PHF2: variants seen among roughly 807,000 people sequenced by gnomAD.
PHF2 encodes lysine-specific demethylase PHF2.
PHF2 carries 27 observed loss-of-function variants against 120.5 expected under a neutral mutation model. The observed-to-expected ratio is 0.22, with a 90% confidence interval of 0.17 to 0.31. The LOEUF is 0.31. Ranked by LOEUF, PHF2 falls within the 10% of genes least tolerant of loss-of-function variation. The probability of loss-of-function intolerance (pLI) is 1.00; values close to 1 mark genes in which losing one functional copy is unlikely to be tolerated. For missense variants in PHF2, 1,024 were observed against 1,434.8 expected (o/e 0.71, Z 4.63); for synonymous variants, 568 against 592.5 (o/e 0.96, Z 0.60).
At chr9:93,594,506 G>T (rs141704946) in intron 1 of PHF2, among the ~76,000 whole-genome samples, 1 of 152,160 alleles carries the variant, frequency 6.6e-6, no homozygotes, top group Non-Finnish European at 1.5e-5. Flanking sequence ...AGCTGTCATC[G>T]GGTGTACTTC....
At chr9:93,645,540 A>G (rs6479500) in intron 3 of PHF2, 89 bp from the exon 4 acceptor site, 881,082 of 1,352,684 alleles carry the variant, frequency 0.65, 291,922 homozygotes, top group African/African-American at 0.68. Context: ...ACCCAGGCTC[A>G]CCTCTCCAGC....
At chr9:93,636,626 T>G (rs1826098815) in intron 3 of PHF2, 101 bp downstream of exon 3, 5 of 894,360 alleles carry the variant, frequency 5.6e-6, no homozygotes, top group Middle Eastern at 3.4e-4. Flanking sequence ...TCCTTTGCTA[T>G]CCTTGCTGGA....
At chr9:93,675,283 T>C (rs10992854) in intron 19 of PHF2, among the ~76,000 whole-genome samples, 95,894 of 152,178 alleles carry the variant, frequency 0.63, 30,681 homozygotes, top group Non-Finnish European at 0.68. Flanking sequence ...CTCCTCTGGC[T>C]GGCTCCTCTC....
chr9:93,670,393 G>A (rs1772248830), intron 17 of PHF2, among the ~76,000 whole-genome samples: 1 of 152,244 alleles, frequency 6.6e-6, no homozygotes, highest in African/African-American at 2.4e-5. Context: ...GTGAGTGGTG[G>A]GGAAGCCTGG....
intron 1 of PHF2, among the ~76,000 whole-genome samples, chr9:93,591,040 G>T (rs1825208761): frequency 6.6e-6 from 1 of 152,230 alleles, no homozygotes; most frequent in South Asian, 2.1e-4. Flanking sequence ...GCAGACTGCT[G>T]TGACCCTCCG....
intron 17 of PHF2, among the ~76,000 whole-genome samples, chr9:93,673,347 G>A (rs986285319): frequency 6.6e-6 from 1 of 152,032 alleles, no homozygotes; most frequent in African/African-American, 2.4e-5. Flanking sequence ...CTGTCTCCAG[G>A]CCTCCAGCCC....
intron 1 of PHF2, among the ~76,000 whole-genome samples, chr9:93,609,104 T>TTTTTTTTTTTTTTTTTTTGAG (rs1564379539): frequency 6.7e-6 from 1 of 149,652 alleles, no homozygotes; most frequent in Non-Finnish European, 1.5e-5. Context: ...GTGGTTGTTT[T>TTTTTTTTTTTTTTTTTTTGAG]AAAATGTGCG....
At chr9:93,637,356 G>A (rs2078071279) in intron 3 of PHF2, among the ~76,000 whole-genome samples, 3 of 152,152 alleles carry the variant, frequency 2.0e-5, no homozygotes, top group African/African-American at 7.2e-5. Flanking sequence ...AAAGTGTGCA[G>A]TTCGGTGGAT....
At chr9:93,603,475 C>T (rs1318989593) in intron 1 of PHF2, among the ~76,000 whole-genome samples, 3 of 152,120 alleles carry the variant, frequency 2.0e-5, no homozygotes, top group African/African-American at 7.2e-5. Flanking sequence ...CTGTAGGACA[C>T]ACTGCTGGGG....
At chr9:93,661,477 C>G (rs143718951) in intron 12 of PHF2, among the ~76,000 whole-genome samples, 1 of 151,736 alleles carries the variant, frequency 6.6e-6, no homozygotes, top group African/African-American at 2.4e-5. Flanking sequence ...ATGAATGAAT[C>G]AGTGAATGGC....
intron 10 of PHF2, 60 bp downstream of exon 10, chr9:93,658,296 C>T (rs1189277988): frequency 2.4e-6 from 3 of 1,257,882 alleles, no homozygotes; most frequent in Non-Finnish European, 2.3e-6. Flanking sequence ...GGAGGACCTC[C>T]CTGGAGACCC....
intron 14 of PHF2, among the ~76,000 whole-genome samples, chr9:93,663,923 C>G (rs181755183): frequency 7.9e-5 from 12 of 152,346 alleles, no homozygotes; most frequent in African/African-American, 2.9e-4. Flanking sequence ...ACGTCTTCAT[C>G]AGGCCTAGAC....
chr9:93,629,059 G>A (rs758578057), intron 1 of PHF2, among the ~76,000 whole-genome samples: 2 of 151,896 alleles, frequency 1.3e-5, no homozygotes, highest in Non-Finnish European at 2.9e-5. Flanking sequence ...ACTGTGCTCC[G>A]GCTAATTTTT....
At chr9:93,657,149 C>T (rs1284045818) in intron 9 of PHF2, among the ~76,000 whole-genome samples, 2 of 152,126 alleles carry the variant, frequency 1.3e-5, no homozygotes, top group African/African-American at 4.8e-5. Flanking sequence ...ACCACCCTGT[C>T]CAGGCCTCCA....
In PHF2 at chr9:93,654,590, C is replaced by T. The variant is rs539829985; in HGVS notation, c.952+15C>T. The T allele has an allele frequency of 1.5e-5, 24 of 1,609,040 alleles. No individual in the cohort carries two copies. Among genetic ancestry groups the T allele is most frequent in the Non-Finnish European group, 2.0e-5 (23 of 1,176,938 alleles). ...CATCCCCTCAGGTGAGTGCGGGCAG[C>T]TTTGGGGACCATGTACTAGGGCTTG... is the stretch of plus-strand genomic sequence containing the variant. On this transcript the variant is annotated intron_variant, in intron 7 of 21. Transcript: ENST00000359246.
chr9:93,610,002 C>T (rs565619665), intron 1 of PHF2, among the ~76,000 whole-genome samples: 144 of 152,168 alleles, frequency 9.5e-4, no homozygotes, highest in South Asian at 2.1e-4. Context: ...ACCTCCCTGA[C>T]TTTTTTCAAG....
intron 19 of PHF2, among the ~76,000 whole-genome samples, chr9:93,675,246 T>C (rs1225369025): frequency 6.6e-6 from 1 of 152,226 alleles, no homozygotes; most frequent in Non-Finnish European, 1.5e-5. Flanking sequence ...GATGTGCTTC[T>C]ACACAGCCCC....
chr9:93,634,006 T>C (rs1284599359), intron 2 of PHF2, among the ~76,000 whole-genome samples: 1 of 152,112 alleles, frequency 6.6e-6, no homozygotes, highest in Non-Finnish European at 1.5e-5. Flanking sequence ...TGGACCTTCA[T>C]TGCAGCCTCT....
Position 93,651,849 on chromosome 9 carries a change from G to A in PHF2, c.603-1330G>A, listed in dbSNP as rs528116678. ...TGTGGTGGGAGGCAGGGACAGCCTGGCCCCCTGTGGTGTGTGGTGTTTGAA... is the reference window on the plus strand; with the variant it reads ...TGTGGTGGGAGGCAGGGACAGCCTGACCCCCTGTGGTGTGTGGTGTTTGAA... On this transcript the variant is annotated intron_variant, in intron 5 of 21. Coordinates refer to ENST00000359246, the MANE Select transcript of PHF2 (RefSeq NM_005392.4). Among the ~76,000 whole-genome samples, 5 of 152,290 alleles carry A rather than the reference G, an allele frequency of 3.3e-5. No homozygotes were observed. The South Asian group carries it at 1.0e-3, about 32-fold the overall frequency.
Sources: allele counts gnomAD v4.1 joint callset (sites outside exome capture counted in the v4.1 genomes callset), GRCh38; gene constraint gnomAD v4.1.1; transcripts MANE v1.5; gene names NCBI Gene and HGNC (gene_info 2026-07-23, HGNC 2026-07-21).